The following DDR2 variants were observed in gnomAD, a reference collection of about 807,000 sequenced individuals.
DDR2 encodes the protein discoidin domain receptor tyrosine kinase 2, also known as discoidin domain-containing receptor 2.
A neutral mutation model predicts 94.9 loss-of-function variants in DDR2; 27 were observed. The observed-to-expected ratio is 0.28, with a 90% CI of 0.21 to 0.39. DDR2 has a LOEUF of 0.39. Ranked by LOEUF, DDR2 falls within the 10% of genes least tolerant of loss-of-function variation. The pLI, the probability that DDR2 is intolerant of heterozygous loss-of-function variation, is 1.00. For synonymous variants in DDR2, 382 were observed against 377.2 expected, an observed-to-expected ratio of 1.01 and a Z score of -0.15; for missense variants, 783 against 1,076.0, an observed-to-expected ratio of 0.73 and a Z score of 3.81.
intron 3 of DDR2, among the ~76,000 whole-genome samples, chr1:162,739,843 T>C (rs1011117234): frequency 6.6e-6 from 1 of 152,124 alleles, no homozygotes; most frequent in African/African-American, 2.4e-5. Context: ...AGGTGGGATA[T>C]GGGAATATTT....
chr1:162,678,068 T>C (rs1323359480), intron 2 of DDR2, among the ~76,000 whole-genome samples: 2 of 152,164 alleles, frequency 1.3e-5, no homozygotes, highest in African/African-American at 4.8e-5. Flanking sequence ...ACATGGGAGA[T>C]GCTGAGCTCT....
chr1:162,770,749 A>C (rs1664229929), intron 12 of DDR2: 1 of 620,778 alleles, frequency 1.6e-6, no homozygotes. Context: ...AAAGAAAGAA[A>C]AAAATAATAA....
intron 2 of DDR2, among the ~76,000 whole-genome samples, chr1:162,671,411 G>T (rs1033616685): frequency 1.3e-5 from 2 of 152,180 alleles, no homozygotes; most frequent in African/African-American, 4.8e-5. Flanking sequence ...AAATAGCAAT[G>T]ATCATATCAT....
At chr1:162,760,799 T>C (rs1571303528) in intron 8 of DDR2, among the ~76,000 whole-genome samples, 1 of 152,042 alleles carries the variant, frequency 6.6e-6, no homozygotes, top group East Asian at 1.9e-4. Flanking sequence ...ATCTGTTAAA[T>C]GAGGACTGCA....
chr1:162,700,700 C>T (rs1042737736), intron 2 of DDR2, among the ~76,000 whole-genome samples: 11 of 152,158 alleles, frequency 7.2e-5, no homozygotes, highest in African/African-American at 2.7e-4. Flanking sequence ...CAATGAGAAT[C>T]TCTTACTCTA....
chr1:162,667,299 G>C (rs1658629479), intron 2 of DDR2, among the ~76,000 whole-genome samples: 1 of 152,118 alleles, frequency 6.6e-6, no homozygotes, highest in Admixed American at 6.6e-5. Flanking sequence ...CAAGAAGAAA[G>C]GACAGAAATT....
chr1:162,667,930 G>A (rs569112271), intron 2 of DDR2, among the ~76,000 whole-genome samples: 24 of 152,152 alleles, frequency 1.6e-4, no homozygotes, highest in Non-Finnish European at 2.9e-4. Flanking sequence ...TGGAGACCAA[G>A]AATTATTACT....
intron 2 of DDR2, among the ~76,000 whole-genome samples, chr1:162,693,485 G>A (rs535243370): frequency 2.0e-5 from 3 of 152,238 alleles, no homozygotes; most frequent in African/African-American, 7.2e-5. Context: ...AATGTGCCGG[G>A]AACTATTTTA....
intron 1 of DDR2, among the ~76,000 whole-genome samples, chr1:162,634,698 C>T (rs1046415033): frequency 6.6e-6 from 1 of 152,208 alleles, no homozygotes; most frequent in African/African-American, 2.4e-5. Flanking sequence ...CTCCACTGGC[C>T]TGGTTTGATA....
chr1:162,709,489 C>G (rs1267985564), intron 2 of DDR2, among the ~76,000 whole-genome samples: 1 of 152,166 alleles, frequency 6.6e-6, no homozygotes, highest in African/African-American at 2.4e-5. Context: ...TTTATCACCT[C>G]CAATTGGAGA....
chr1:162,699,038 G>A (rs1053611013), intron 2 of DDR2, among the ~76,000 whole-genome samples: 1 of 151,888 alleles, frequency 6.6e-6, no homozygotes, highest in African/African-American at 2.4e-5. Flanking sequence ...TGGGACTTAC[G>A]CTTATTTAAC....
intron 11 of DDR2, 149 bp from the exon 12 acceptor site, chr1:162,770,153 A>G: frequency 1.3e-6 from 1 of 792,192 alleles, no homozygotes; most frequent in Non-Finnish European, 2.2e-6. Flanking sequence ...TTGTGGAACC[A>G]GACTGCATTC....
intron 16 of DDR2, among the ~76,000 whole-genome samples, chr1:162,777,178 A>G (rs1167094599): frequency 6.6e-6 from 1 of 152,138 alleles, no homozygotes; most frequent in Non-Finnish European, 1.5e-5. Context: ...CAGGATAACC[A>G]CTATCAATAC....
chr1:162,779,844 A>G (rs1647797609), intron 17 of DDR2, among the ~76,000 whole-genome samples: 1 of 152,180 alleles, frequency 6.6e-6, no homozygotes, highest in African/African-American at 2.4e-5. Context: ...CATCTTTTGC[A>G]TGAAGGTAGG....
intron 3 of DDR2, among the ~76,000 whole-genome samples, chr1:162,726,892 T>C (rs16844113): frequency 0.13 from 19,266 of 151,870 alleles, 1,685 homozygotes; most frequent in African/African-American, 0.25. Context: ...TAATGTTTTG[T>C]TCTGAAAGCT....
intron 3 of DDR2, among the ~76,000 whole-genome samples, chr1:162,741,119 G>A (rs941664167): frequency 6.0e-5 from 9 of 150,302 alleles, no homozygotes; most frequent in Non-Finnish European, 1.2e-4. Flanking sequence ...AAAATGCTTG[G>A]GACCAGAAGT....
chr1:162,753,262 C>T (rs1163039831), intron 4 of DDR2, 65 bp downstream of exon 4: 4 of 1,466,376 alleles, frequency 2.7e-6, no homozygotes. Flanking sequence ...GGCACAGATT[C>T]CTGACCCTAG....
intron 2 of DDR2, among the ~76,000 whole-genome samples, chr1:162,673,610 A>T (rs199695498): frequency 0.021 from 1,631 of 78,724 alleles, 8 homozygotes; most frequent in African/African-American, 0.037. Flanking sequence ...TGTGTGTGTG[A>T]GAGAGAGAGA....
At chr1:162,723,315 T>A (rs1261845265) in intron 3 of DDR2, among the ~76,000 whole-genome samples, 1 of 152,160 alleles carries the variant, frequency 6.6e-6, no homozygotes, top group Non-Finnish European at 1.5e-5. Context: ...GTGGGATCCT[T>A]GAGTCAAGTT....
Sources: gnomAD v4.1 joint callset for allele counts (sites outside exome capture counted in the v4.1 genomes callset) on GRCh38, gnomAD v4.1.1 for gene constraint, MANE v1.5 for transcripts, NCBI Gene and HGNC (gene_info 2026-07-23, HGNC 2026-07-21) for gene names.